The following GABRA3 variants were observed in gnomAD, a reference collection of about 807,000 sequenced individuals.
GABRA3 encodes the protein gamma-aminobutyric acid type A receptor subunit alpha3, also known as gamma-aminobutyric acid receptor subunit alpha-3.
In GABRA3, 10 loss-of-function variants were observed where a neutral mutation model predicts 30.1. That is an observed-to-expected ratio of 0.33 (90% CI 0.20 to 0.56). The LOEUF is 0.56. GABRA3 is among the 20% of genes least tolerant of loss of function. The pLI, the probability that GABRA3 is intolerant of heterozygous loss-of-function variation, is 0.89. For synonymous variants in GABRA3, 151 were observed against 146.8 expected (o/e 1.03, Z -0.21); for missense variants, 233 against 392.0 (o/e 0.59, Z 3.42).
At chrX:152,414,274 C>A (rs1271585764) in intron 1 of GABRA3, among the ~76,000 whole-genome samples, 1 of 111,169 alleles carries the variant, frequency 9.0e-6, no homozygotes, top group Non-Finnish European at 1.9e-5. Context: ...ATTCATACTA[C>A]AGAATACTAC....
intron 4 of GABRA3, among the ~76,000 whole-genome samples, chrX:152,261,438 G>C (rs1033254814): frequency 2.9e-4 from 33 of 112,033 alleles, no homozygotes; most frequent in African/African-American, 8.8e-4. Flanking sequence ...TCAGAAGCAA[G>C]TTCGTTACTA....
intron 3 of GABRA3, among the ~76,000 whole-genome samples, chrX:152,320,015 A>G (rs1032669786): frequency 1.8e-5 from 2 of 111,390 alleles, no homozygotes; most frequent in Admixed American, 9.6e-5. Flanking sequence ...AATAAAATCC[A>G]CAATGTGATA....
intron 9 of GABRA3, among the ~76,000 whole-genome samples, chrX:152,175,485 A>G (rs1937061390): frequency 8.9e-6 from 1 of 111,788 alleles, no homozygotes; most frequent in African/African-American, 3.3e-5. Flanking sequence ...CCTGCCCTAA[A>G]GGAGTTCACA....
At chrX:152,327,277 C>T (rs1940079401) in intron 3 of GABRA3, among the ~76,000 whole-genome samples, 3 of 111,049 alleles carry the variant, frequency 2.7e-5, no homozygotes, top group South Asian at 7.7e-4. Context: ...CCACTGTCAA[C>T]ATTAGACAGA....
chrX:152,229,286 C>T (rs1392438448), intron 5 of GABRA3, among the ~76,000 whole-genome samples: 1 of 111,106 alleles, frequency 9.0e-6, no homozygotes, highest in Non-Finnish European at 1.9e-5. Context: ...GCTCTTTATG[C>T]GAAGATCAGA....
intron 3 of GABRA3, among the ~76,000 whole-genome samples, chrX:152,288,461 A>G (rs1402587530): frequency 1.8e-5 from 2 of 112,480 alleles, no homozygotes; most frequent in East Asian, 2.8e-4. Context: ...TAGTATTTAG[A>G]CCAGTAGTTA....
intron 9 of GABRA3, among the ~76,000 whole-genome samples, chrX:152,181,764 A>T (rs1310614559): frequency 9.1e-6 from 1 of 109,894 alleles, no homozygotes; most frequent in East Asian, 2.9e-4. Flanking sequence ...TGGCACATGT[A>T]TACATATGTA....
At chrX:152,363,110 A>G (rs746413573) in intron 2 of GABRA3, among the ~76,000 whole-genome samples, 4 of 111,636 alleles carry the variant, frequency 3.6e-5, no homozygotes, top group Non-Finnish European at 7.5e-5. Context: ...CATCATAGAA[A>G]TGGATTACAT....
intron 9 of GABRA3, among the ~76,000 whole-genome samples, chrX:152,184,346 A>C (rs2124341663): frequency 9.0e-6 from 1 of 111,447 alleles, no homozygotes; most frequent in Non-Finnish European, 1.9e-5. Context: ...GTAACAGAGA[A>C]GATGTCTGTT....
chrX:152,352,997 A>G (rs1489208001), intron 2 of GABRA3, among the ~76,000 whole-genome samples: 1 of 111,267 alleles, frequency 9.0e-6, no homozygotes, highest in African/African-American at 3.3e-5. Context: ...TGCCAGTTAT[A>G]TACTAGGGAG....
intron 3 of GABRA3, among the ~76,000 whole-genome samples, chrX:152,332,403 T>TCTC (rs1940177091): frequency 8.9e-6 from 1 of 112,009 alleles, no homozygotes; most frequent in Non-Finnish European, 1.9e-5. Flanking sequence ...GGTTATGCCC[T>TCTC]TTCTGTCCAC....
rs866860066 is a variant in GABRA3, at chrX:152,284,711, T to C, written c.287A>G (p.Asp96Gly). 1 of 1,192,664 alleles carries C rather than the reference T, an allele frequency of 8.4e-7. No individual in the cohort carries two copies. ...LGDAVTEVKT[D>G]IYVTSFGPVS... ...AGGGCCAAAACTGGTCACGTAGATGTCAGTCTTCACTTCAGTCACTGCATC... is the reference window on the plus strand; with the variant it reads ...AGGGCCAAAACTGGTCACGTAGATGCCAGTCTTCACTTCAGTCACTGCATC... The change falls in exon 4 of 10, where the codon GAC (aspartate) becomes GGC (glycine). Residue 96 changes from aspartate (D) to glycine (G), a missense_variant. Transcript: ENST00000370314.
intron 3 of GABRA3, among the ~76,000 whole-genome samples, chrX:152,303,638 TGAAA>T (rs1455217181): frequency 2.7e-5 from 3 of 111,618 alleles, no homozygotes; most frequent in Non-Finnish European, 5.6e-5. Context: ...GCCATAAAAA[TGAAA>T]GAGTTTATGA....
At chrX:152,294,065 C>T (rs753470996) in intron 3 of GABRA3, among the ~76,000 whole-genome samples, 1 of 111,424 alleles carries the variant, frequency 9.0e-6, no homozygotes, top group Non-Finnish European at 1.9e-5. Flanking sequence ...TAACATTTTT[C>T]CTTCATTTCA....
chrX:152,442,171 T>C (rs1301339067), intron 1 of GABRA3, among the ~76,000 whole-genome samples: 1 of 110,627 alleles, frequency 9.0e-6, no homozygotes, highest in African/African-American at 3.3e-5. Flanking sequence ...TGGCCCTGAG[T>C]GTCACGTTTG....
chrX:152,315,354 C>T (rs1348835240), intron 3 of GABRA3, among the ~76,000 whole-genome samples: 1 of 111,051 alleles, frequency 9.0e-6, no homozygotes, highest in Non-Finnish European at 1.9e-5. Context: ...CCTGTGGGCT[C>T]TCTGAGTCCT....
intron 3 of GABRA3, among the ~76,000 whole-genome samples, chrX:152,294,027 T>C (rs1392499494): frequency 8.9e-6 from 1 of 111,828 alleles, no homozygotes; most frequent in East Asian, 2.8e-4. Flanking sequence ...CCTTTGTGGG[T>C]AATCCGACCT....
At chrX:152,313,150 AAAAT>A (rs1033434618) in intron 3 of GABRA3, among the ~76,000 whole-genome samples, 1 of 112,114 alleles carries the variant, frequency 8.9e-6, no homozygotes, top group Non-Finnish European at 1.9e-5. Context: ...AATTCTGAAA[AAAAT>A]ATGGATTGAC....
chrX:152,218,199 C>G (rs1172159574), intron 6 of GABRA3, among the ~76,000 whole-genome samples: 1 of 109,725 alleles, frequency 9.1e-6, no homozygotes, highest in Non-Finnish European at 1.9e-5. Context: ...TTCTAATTCC[C>G]TTTGTGATTT....
Sources: gnomAD v4.1 joint callset for allele counts (sites outside exome capture counted in the v4.1 genomes callset) on GRCh38, gnomAD v4.1.1 for gene constraint, MANE v1.5 for transcripts, NCBI Gene and HGNC (gene_info 2026-07-23, HGNC 2026-07-21) for gene names.